Variants in GUCY1A2 observed in about 807,000 individuals in gnomAD.
GUCY1A2 encodes the protein guanylate cyclase soluble subunit alpha-2.
Under a neutral mutation model 63.5 loss-of-function variants are expected in GUCY1A2, and 27 were observed. The ratio of observed to expected loss-of-function variants is 0.43; its 90% CI spans 0.31 to 0.59. GUCY1A2 has a LOEUF of 0.59. Ranked by LOEUF, GUCY1A2 falls within the 20% of genes least tolerant of loss-of-function variation. GUCY1A2 has a pLI of 0.11. For synonymous variants in GUCY1A2, 364 were observed against 343.5 expected (o/e 1.06, Z -0.66); for missense variants, 768 against 913.3 (o/e 0.84, Z 2.05).
intron 4 of GUCY1A2, among the ~76,000 whole-genome samples, chr11:106,917,011 A>C (rs1860378275): frequency 6.9e-6 from 1 of 145,834 alleles, no homozygotes; most frequent in African/African-American, 2.4e-5. Flanking sequence ...AAGATGAAAA[A>C]CAAAATAAGC....
chr11:106,747,136 T>C (rs1863803457), intron 6 of GUCY1A2, among the ~76,000 whole-genome samples: 2 of 152,070 alleles, frequency 1.3e-5, no homozygotes. Flanking sequence ...TACAGGCGCC[T>C]GCCACCATGC....
In GUCY1A2 at chr11:106,776,967, CCA is replaced by C. The variant is rs200948463; in HGVS notation, c.1693-387_1693-386del. On this transcript the variant is annotated intron_variant, in intron 5 of 7. Coordinates refer to ENST00000526355, the MANE Select transcript of GUCY1A2 (RefSeq NM_000855.3). ...TATTCCTTTGGAAAGCATTTTTTTC[CCA>C]GTTTTTCCACCTGAAGAAAATTGTT... Among the ~76,000 whole-genome samples the C allele has an allele frequency of 6.4e-4, 97 of 152,090 alleles. No individual in the cohort carries two copies. The East Asian group carries it at 0.015, about 23-fold the overall frequency.
intron 6 of GUCY1A2, among the ~76,000 whole-genome samples, chr11:106,743,467 A>T (rs1171053845): frequency 6.6e-6 from 1 of 152,100 alleles, no homozygotes; most frequent in Non-Finnish European, 1.5e-5. Flanking sequence ...AATATGATAG[A>T]ATTTACCATT....
At chr11:106,791,717 A>G (rs1438763176) in intron 5 of GUCY1A2, among the ~76,000 whole-genome samples, 1 of 152,206 alleles carries the variant, frequency 6.6e-6, no homozygotes, top group African/African-American at 2.4e-5. Flanking sequence ...CTCTTCCAGA[A>G]GTCAAATTTG....
chr11:106,937,318 A>C (rs1860693131), intron 4 of GUCY1A2, among the ~76,000 whole-genome samples: 1 of 152,202 alleles, frequency 6.6e-6, no homozygotes, highest in Admixed American at 6.5e-5. Flanking sequence ...TTGACATTTG[A>C]GTCATCATTT....
At position 106,788,309 on chromosome 11, in the gene GUCY1A2, T is replaced by C. The variant is rs192769612; in HGVS notation, c.1693-11727A>G. ...ATTAATCTCTTGTTAGATGGGTAGT[T>C]TGCAAATATTTTCTCCCATTCTGTG... On this transcript the variant is annotated intron_variant, in intron 5 of 7. Transcript: ENST00000526355. Among the ~76,000 whole-genome samples, 319 of 152,280 alleles carry C rather than the reference T, an allele frequency of 2.1e-3. 3 individuals carry two copies. The highest frequency in any genetic ancestry group is 0.017 in the Admixed American group (259 of 15,292).
At chr11:106,702,752 G>A (rs1298709876) in intron 7 of GUCY1A2, among the ~76,000 whole-genome samples, 1 of 151,724 alleles carries the variant, frequency 6.6e-6, no homozygotes, top group Non-Finnish European at 1.5e-5. Context: ...TAAGATTGGG[G>A]CTATATTTCC....
intron 7 of GUCY1A2, among the ~76,000 whole-genome samples, 174 bp downstream of exon 7, chr11:106,708,338 G>A (rs1862953630): frequency 6.6e-6 from 1 of 152,022 alleles, no homozygotes. Context: ...CTCTCACAGA[G>A]TGCAAATAAA....
chr11:106,989,712 G>T (rs886219066), intron 1 of GUCY1A2, among the ~76,000 whole-genome samples: 1 of 152,044 alleles, frequency 6.6e-6, no homozygotes, highest in African/African-American at 2.4e-5. Flanking sequence ...CAATTCCAGT[G>T]AACAGAGGAA....
Position 106,776,810 on chromosome 11 carries a change from T to C in GUCY1A2, c.1693-228A>G, listed in dbSNP as rs1864365108. 2.6e-5 allele frequency among the ~76,000 whole-genome samples: 4 copies of C among 152,174 alleles called. No homozygotes were observed. In the South Asian group the frequency reaches 8.3e-4, roughly 32 times the overall value. On this transcript the variant is annotated intron_variant, in intron 5 of 7. Transcript: ENST00000526355. ...TTAACATTATCACTAGAGATGATCA[T>C]TGAAATTAGGAACAACTATAATATA...
chr11:106,775,598 C>A (rs551210020), intron 6 of GUCY1A2, among the ~76,000 whole-genome samples: 1 of 151,526 alleles, frequency 6.6e-6, no homozygotes, highest in Non-Finnish European at 1.5e-5. Flanking sequence ...CCAATATTTT[C>A]ATAATTTTAA....
intron 4 of GUCY1A2, among the ~76,000 whole-genome samples, chr11:106,859,575 A>C (rs61902981): frequency 0.035 from 5,307 of 152,098 alleles, 116 homozygotes; most frequent in Middle Eastern, 0.054. Flanking sequence ...TCCTGTTCTC[A>C]AGAAAAGTGC....
intron 6 of GUCY1A2, among the ~76,000 whole-genome samples, chr11:106,730,096 T>TATATATATATA (rs1565271769): frequency 1.0e-5 from 1 of 96,114 alleles, no homozygotes; most frequent in Non-Finnish European, 2.3e-5. Flanking sequence ...ATATATATAT[T>TATATATATATA]ATAGTATATA....
At chr11:106,713,078 T>C (rs1863149621) in intron 6 of GUCY1A2, among the ~76,000 whole-genome samples, 1 of 152,166 alleles carries the variant, frequency 6.6e-6, no homozygotes, top group Non-Finnish European at 1.5e-5. Flanking sequence ...TTGTTGGGTA[T>C]CTCCTGGTTT....
intron 5 of GUCY1A2, among the ~76,000 whole-genome samples, chr11:106,797,999 A>G (rs1864798054): frequency 6.6e-6 from 1 of 152,212 alleles, no homozygotes; most frequent in African/African-American, 2.4e-5. Flanking sequence ...GAAAAGATTA[A>G]CAAAATTGAT....
At chr11:106,948,377 T>A (rs1860859057) in intron 3 of GUCY1A2, among the ~76,000 whole-genome samples, 1 of 152,068 alleles carries the variant, frequency 6.6e-6, no homozygotes, top group Non-Finnish European at 1.5e-5. Context: ...GAAACGGTAG[T>A]TCAGCAGTGG....
At chr11:106,946,368 CA>C (rs1860829005) in intron 3 of GUCY1A2, among the ~76,000 whole-genome samples, 1 of 151,808 alleles carries the variant, frequency 6.6e-6, no homozygotes, top group African/African-American at 2.4e-5. Context: ...GAAACAAAAA[CA>C]ATGTAAAAGA....
chr11:107,012,660 T>C (rs184199034), intron 1 of GUCY1A2, among the ~76,000 whole-genome samples: 2,060 of 152,288 alleles, frequency 0.014, 30 homozygotes, highest in South Asian at 0.045. Flanking sequence ...TTCTAAATGA[T>C]TGGGGATAAG....
At chr11:106,824,738 C>T in intron 4 of GUCY1A2, 1 of 1,450,102 alleles carries the variant, frequency 6.9e-7, no homozygotes, top group East Asian at 2.5e-5. Context: ...AATATTTAAT[C>T]TCATGAGAAA....
Sources: gnomAD v4.1 joint callset for allele counts (sites outside exome capture counted in the v4.1 genomes callset) on GRCh38, gnomAD v4.1.1 for gene constraint, MANE v1.5 for transcripts, NCBI Gene and HGNC (gene_info 2026-07-23, HGNC 2026-07-21) for gene names.